Variants in MNX1 observed in about 807,000 individuals in gnomAD.
The protein encoded by MNX1 is motor neuron and pancreas homeobox protein 1.
A neutral mutation model predicts 17.3 loss-of-function variants in MNX1; 2 were observed. The observed-to-expected ratio is 0.12, with a 90% CI of 0.05 to 0.36. The LOEUF is 0.36. Ranked by LOEUF, MNX1 falls within the 10% of genes least tolerant of loss-of-function variation. The pLI is 1.00. For synonymous variants in MNX1, 306 were observed against 283.1 expected, an observed-to-expected ratio of 1.08 and a Z score of -0.81; for missense variants, 556 against 564.7, an observed-to-expected ratio of 0.98 and a Z score of 0.16.
In MNX1 at chr7:157,005,561, AG is replaced by A. The variant is rs1203062041; in HGVS notation, c.1164del (p.Ser389ArgfsTer104). On this transcript the variant is annotated frameshift_variant, in exon 3 of 3. Transcript: ENST00000252971. LOFTEE classifies it low-confidence loss of function (END_TRUNC). ...AASSDCSSEDDSPPPRPSHQP... is the reference protein window; with the variant it reads ...AASSDCSSEDXSPPPRPSHQP... Reference sequence around the variant, plus strand: ...TGGTGGCTGGGCCGCGGGGGCGGCGAGTCGTCCTCCGAGGAGCAGTCGGAGG... The same window carrying A: ...TGGTGGCTGGGCCGCGGGGGCGGCGATCGTCCTCCGAGGAGCAGTCGGAGG... 6.4e-7 allele frequency: 1 copy of A among 1,562,854 alleles called. No homozygotes were observed. The highest frequency in any genetic ancestry group is 2.5e-5 in the East Asian group (1 of 40,180).
At chr7:157,008,708 C>G in intron 1 of MNX1, 1 of 476,644 alleles carries the variant, frequency 2.1e-6, no homozygotes, top group Non-Finnish European at 3.7e-6. Context: ...ACAATGGGGT[C>G]TCTTTGTTTG....
chr7:157,009,424 C>T, intron 1 of MNX1: 1 of 1,427,454 alleles, frequency 7.0e-7, no homozygotes, highest in Non-Finnish European at 9.1e-7. Context: ...ACTGCCCCTT[C>T]CCGTTAAGAG....
chr7:157,006,869 T>G lies in MNX1; in HGVS notation c.692-230A>C. 1 of 447,256 alleles carries G rather than the reference T, an allele frequency of 2.2e-6. No individual in the cohort carries two copies. Among genetic ancestry groups the G allele is most frequent in the Non-Finnish European group, 4.0e-6 (1 of 252,462 alleles). 27.7% of individuals were successfully genotyped at this position (447,256 alleles called of 1,614,324 possible). ...ATGAGACCAATTTTTTTTTTTTTTTTTGTCTAGGAGACGTCTGAGTGTCCC... is the reference window on the plus strand; with the variant it reads ...ATGAGACCAATTTTTTTTTTTTTTTGTGTCTAGGAGACGTCTGAGTGTCCC... On this transcript the variant is annotated intron_variant, in intron 1 of 2. Transcript: ENST00000252971. This position sits in a 1 kb window ranked among gnomAD's most constrained non-coding sequence, Gnocchi z 6.3.
Position 157,010,508 on chromosome 7 carries a change from G to T in MNX1, c.-158C>A, listed in dbSNP as rs1805696288. 3 of 476,648 alleles carry T rather than the reference G, an allele frequency of 6.3e-6. No individual in the cohort carries two copies. Among genetic ancestry groups the T allele is most frequent in the Non-Finnish European group, 1.1e-5 (3 of 277,308 alleles). The allele number at this position is 476,648 out of a possible 1,614,324, so 29.5% of individuals were successfully genotyped here. A position where few individuals can be genotyped will look rare whatever the true frequency, so the allele number is the denominator to read the frequency against. Reference sequence around the variant, plus strand: ...GTCGCCGCCGGAAACTCAGCCGAGGGTGACCATGGTCCCGGCGCCTCCTCC... The same window carrying T: ...GTCGCCGCCGGAAACTCAGCCGAGGTTGACCATGGTCCCGGCGCCTCCTCC... On this transcript the variant is annotated 5_prime_UTR_variant, in exon 1 of 3. Coordinates refer to ENST00000252971, the MANE Select transcript of MNX1 (RefSeq NM_005515.4).
At chr7:157,009,116 G>A (rs372098174) in intron 1 of MNX1, 2 of 1,535,236 alleles carry the variant, frequency 1.3e-6, no homozygotes, top group Middle Eastern at 1.7e-4. Context: ...CCTTCCAGAG[G>A]AGGGCAGCGC....
rs1428759033 is a variant in MNX1, at chr7:157,009,814, G to T, written c.537C>A (p.His179Gln). ...AAAAAALAGQ[H>Q]PALSYSYPQV... ...GCGGGTACGAGTAGGAGAGCGCCGG[G>T]TGCTGGCCCGCCAGCGCAGCCGCCG... The change falls in exon 1 of 3, where the codon CAC (histidine) becomes CAA (glutamine). Residue 179 changes from histidine to glutamine, a missense_variant. His to Gln is a conservative substitution (Grantham distance 24). This residue lies in a region of MNX1 where 210 missense variants were observed against 211.3 expected (regional missense o/e 0.99). Transcript: ENST00000252971. 1.2e-5 allele frequency: 19 copies of T among 1,530,956 alleles called. No individual in the cohort carries two copies. Among genetic ancestry groups the T allele is most frequent in the Non-Finnish European group, 1.7e-5 (19 of 1,146,470 alleles). 94.8% of individuals were successfully genotyped at this position (1,530,956 alleles called of 1,614,324 possible).
rs753593706 is a variant in MNX1 at position 157,009,044 on chromosome 7, TCC to T, written c.691+614_691+615del. 6.5e-6 allele frequency: 10 copies of T among 1,536,556 alleles called. No homozygotes were observed. In the Admixed American group the frequency reaches 7.8e-5, roughly 12 times the overall value. On this transcript the variant is annotated intron_variant, in intron 1 of 2. Coordinates refer to ENST00000252971, the MANE Select transcript of MNX1 (RefSeq NM_005515.4). ...CAGGGCAGGCACCTACTGTTGAGAG[TCC>T]CCCCATAGCTGGTTCAAGCCAGGCC... is the stretch of plus-strand genomic sequence containing the variant.
At position 157,006,740 on chromosome 7, in the gene MNX1, G is replaced by A. The variant is rs572485501; in HGVS notation, c.692-101C>T. On this transcript the variant is annotated intron_variant, in intron 1 of 2. Transcript: ENST00000252971. This position sits in a 1 kb window ranked among gnomAD's most constrained non-coding sequence, Gnocchi z 6.3. The stretch of plus-strand genomic sequence containing the variant: ...ACTACACTCAAGGCCCCAGCGCCAA[G>A]GCCTGGCCCTGCAGAGGGCGGGGCT... 83 of 1,326,630 alleles carry A rather than the reference G, an allele frequency of 6.3e-5. No homozygotes were observed. The highest frequency in any genetic ancestry group is 2.6e-4 in the Middle Eastern group (1 of 3,804). The allele number at this position is 1,326,630 out of a possible 1,614,324, so 82.2% of individuals were successfully genotyped here.
Position 157,006,483 on chromosome 7 carries a change from G to A in MNX1, c.848C>T (p.Thr283Ile), listed in dbSNP as rs750889748. 4 of 1,610,428 alleles carry A rather than the reference G, an allele frequency of 2.5e-6. No homozygotes were observed. The highest frequency in any genetic ancestry group is 3.4e-6 in the Non-Finnish European group (4 of 1,179,204). Residue 283 changes from threonine (T) to isoleucine (I), a missense_variant, in exon 2 of 3, where the codon ACC becomes ATC. Thr to Ile is a moderately conservative substitution (Grantham distance 89). Around this residue, in one of 7 missense-constraint regions of MNX1, gnomAD observed 210 missense variants for 211.3 expected, o/e 0.99. Coordinates refer to ENST00000252971, the MANE Select transcript of MNX1 (RefSeq NM_005515.4). The surrounding 1 kb of genome is among the most constrained non-coding windows in gnomAD (Gnocchi z 6.3). Reference sequence around the variant, plus strand: ...GGGGGCGGGGAGGGCGCGCACCTGGGTCTCGGTGAGCATGAGCGAGGTGGC... The same window carrying A: ...GGGGGCGGGGAGGGCGCGCACCTGGATCTCGGTGAGCATGAGCGAGGTGGC... ...EVATSLMLTETQVKIWFQNRR... is the reference protein window; with the variant it reads ...EVATSLMLTEIQVKIWFQNRR...
Position 157,005,551 on chromosome 7 carries a change from G to C in MNX1, c.1175C>G (p.Pro392Arg), listed in dbSNP as rs774909386. ...GGGCGCGGGCTGGTGGCTGGGCCGC[G>C]GGGGCGGCGAGTCGTCCTCCGAGGA... is the stretch of plus-strand genomic sequence containing the variant. ...DCSSEDDSPP[P>R]RPSHQPAPQ The change falls in exon 3 of 3, where the codon CCG becomes CGG. Residue 392 changes from proline (P) to arginine (R), a missense_variant. Coordinates refer to ENST00000252971, the MANE Select transcript of MNX1 (RefSeq NM_005515.4). 6.5e-7 allele frequency: 1 copy of C among 1,547,958 alleles called. No homozygotes were observed. The highest frequency in any genetic ancestry group is 8.7e-7 in the Non-Finnish European group (1 of 1,152,140).
Position 157,005,610 on chromosome 7 carries a change from G to C in MNX1, c.1116C>G (p.Asn372Lys). ...EDDEDHFPYS[N>K]GASVHAASSD... Reference sequence around the variant, plus strand: ...AGGAGGCGGCGTGGACGCTGGCGCCGTTGCTGTAGGGGAAATGGTCCTCGT... The same window carrying C: ...AGGAGGCGGCGTGGACGCTGGCGCCCTTGCTGTAGGGGAAATGGTCCTCGT... Residue 372 changes from asparagine (N) to lysine (K), a missense_variant, in exon 3 of 3, where the codon AAC (asparagine) becomes AAG (lysine). Asn to Lys is a moderately conservative substitution (Grantham distance 94). This residue lies in a region of MNX1 where 178 missense variants were observed against 155.2 expected (regional missense o/e 1.15). Coordinates refer to ENST00000252971, the MANE Select transcript of MNX1 (RefSeq NM_005515.4). 1 of 1,606,180 alleles carries C rather than the reference G, an allele frequency of 6.2e-7. No individual in the cohort carries two copies. Among genetic ancestry groups the C allele is most frequent in the Non-Finnish European group, 8.5e-7 (1 of 1,177,532 alleles).
rs1201579215 is a variant in MNX1 at position 157,006,093 on chromosome 7, G to A, written c.853-220C>T. On this transcript the variant is annotated intron_variant, in intron 2 of 2. Transcript: ENST00000252971. This position sits in a 1 kb window ranked among gnomAD's most constrained non-coding sequence, Gnocchi z 6.3. ...CCCCAGAGCTGGGCTGGAGCTCCGT[G>A]GGAGCTAGGACTATGTCCCCAACGA... Among the ~76,000 whole-genome samples the A allele has an allele frequency of 6.6e-6, 1 of 152,186 alleles. No individual in the cohort carries two copies. Among genetic ancestry groups the A allele is most frequent in the Admixed American group, 6.5e-5 (1 of 15,280 alleles).
Position 157,010,161 on chromosome 7 carries a change from C to A in MNX1, c.190G>T (p.Glu64Ter). 8.9e-7 allele frequency: 1 copy of A among 1,126,222 alleles called. No homozygotes were observed. Among genetic ancestry groups the A allele is most frequent in the Non-Finnish European group, 1.1e-6 (1 of 920,040 alleles). 69.8% of individuals were successfully genotyped at this position (1,126,222 alleles called of 1,614,324 possible). A position where few individuals can be genotyped will look rare whatever the true frequency, so the allele number is the denominator to read the frequency against. Residue 64 changes from glutamate to a stop codon, truncating the protein, a stop_gained, in exon 1 of 3, where the codon GAG becomes TAG. Coordinates refer to ENST00000252971, the MANE Select transcript of MNX1 (RefSeq NM_005515.4). LOFTEE classifies it high-confidence loss of function. ...TSGSCSPASS[E>*]PPAAPADRLR... ...CGGTCGGCGGGCGCAGCCGGCGGCT[C>A]CGAGGACGCGGGGCTGCAGCTGCCG...
In MNX1 at chr7:157,010,008, G is replaced by T; in HGVS notation, c.343C>A (p.His115Asn). 5 of 980,774 alleles carry T rather than the reference G, an allele frequency of 5.1e-6. No individual in the cohort carries two copies. The highest frequency in any genetic ancestry group is 6.0e-6 in the Non-Finnish European group (5 of 833,816). 60.8% of individuals were successfully genotyped at this position (980,774 alleles called of 1,614,324 possible). Residue 115 changes from histidine (H) to asparagine (N), a missense_variant, in exon 1 of 3, where the codon CAC becomes AAC. His to Asn is a moderately conservative substitution (Grantham distance 68, BLOSUM62 1). Transcript: ENST00000252971. ...GCCGCTGCGCCCGGATGCGCGTGGT[G>T]GTGGGGCCCCCCGTGCCCGCCGCCC... ...GTGGGHGGPH[H>N]HAHPGAAAAA...
At position 157,007,757 on chromosome 7, in the gene MNX1, GC is replaced by G. The variant is rs1439174118; in HGVS notation, c.692-1119del. On this transcript the variant is annotated intron_variant, in intron 1 of 2. Transcript: ENST00000252971. ...AAAGCAAAGGAAAGAAAGGAGGCCAGCCCCAGGCCTGGATGAGCTCAGGTCC... is the reference window on the plus strand; with the variant it reads ...AAAGCAAAGGAAAGAAAGGAGGCCAGCCCAGGCCTGGATGAGCTCAGGTCC... The G allele has an allele frequency of 4.6e-5, 7 of 152,446 alleles. No homozygotes were observed. The East Asian group carries it at 1.3e-3, about 29-fold the overall frequency. 9.4% of individuals were successfully genotyped at this position (152,446 alleles called of 1,614,324 possible). A position where few individuals can be genotyped will look rare whatever the true frequency, so the allele number is the denominator to read the frequency against.
intron 1 of MNX1, 116 bp downstream of exon 1, chr7:157,009,544 T>G: frequency 6.7e-7 from 1 of 1,499,562 alleles, no homozygotes; most frequent in Non-Finnish European, 8.9e-7. Flanking sequence ...CGAGGCGGCT[T>G]CGCAGCTCTT....
At position 157,005,034 on chromosome 7, in the gene MNX1, C is replaced by G. The variant is rs1161724325; in HGVS notation, c.*486G>C. The G allele has an allele frequency of 8.9e-6, 2 of 224,520 alleles. No homozygotes were observed. Among genetic ancestry groups the G allele is most frequent in the Non-Finnish European group, 1.8e-5 (2 of 112,632 alleles). The allele number at this position is 224,520 out of a possible 1,614,324, so 13.9% of individuals were successfully genotyped here. On this transcript the variant is annotated 3_prime_UTR_variant, in exon 3 of 3. Transcript: ENST00000252971. ...GCTCGTGACATAATCCCCCCGACCC[C>G]AGAGACGTAAGCATAAACCCTTTTT...
Position 157,010,505 on chromosome 7 carries a change from A to C in MNX1, c.-155T>G. ...AAAGTCGCCGCCGGAAACTCAGCCGAGGGTGACCATGGTCCCGGCGCCTCC... is the reference window on the plus strand; with the variant it reads ...AAAGTCGCCGCCGGAAACTCAGCCGCGGGTGACCATGGTCCCGGCGCCTCC... On this transcript the variant is annotated 5_prime_UTR_variant, in exon 1 of 3. Transcript: ENST00000252971. The C allele has an allele frequency of 2.0e-6, 1 of 490,002 alleles. No homozygotes were observed. The highest frequency in any genetic ancestry group is 3.5e-6 in the Non-Finnish European group (1 of 288,684). The allele number at this position is 490,002 out of a possible 1,614,324, so 30.4% of individuals were successfully genotyped here.
In MNX1 at chr7:157,005,492, G is replaced by A. The variant is rs1188022136; in HGVS notation, c.*28C>T. On this transcript the variant is annotated 3_prime_UTR_variant, in exon 3 of 3. Coordinates refer to ENST00000252971, the MANE Select transcript of MNX1 (RefSeq NM_005515.4). ...AGCCGCCGGCCGGGGCGCTCCGTGC[G>A]CGCCGCACCTGCTGGGCCGCGGGGC... The A allele has an allele frequency of 3.1e-6, 4 of 1,306,702 alleles. No individual in the cohort carries two copies. Among genetic ancestry groups the A allele is most frequent in the Middle Eastern group, 5.7e-4 (2 of 3,496 alleles). The allele number at this position is 1,306,702 out of a possible 1,614,324, so 80.9% of individuals were successfully genotyped here. A position where few individuals can be genotyped will look rare whatever the true frequency, so the allele number is the denominator to read the frequency against.
Sources: allele counts gnomAD v4.1 joint callset (sites outside exome capture counted in the v4.1 genomes callset), GRCh38; gene constraint gnomAD v4.1.1; regional missense constraint gnomAD v4.1.1; non-coding constraint Gnocchi (gnomAD v3.1); transcripts MANE v1.5; gene names NCBI Gene and HGNC (gene_info 2026-07-23, HGNC 2026-07-21).